Variants in GADL1 observed in about 807,000 individuals in gnomAD.
The protein encoded by GADL1 is acidic amino acid decarboxylase GADL1.
In GADL1, 71 loss-of-function variants were observed where a neutral mutation model predicts 69.5. The observed-to-expected ratio is 1.02, with a 90% CI of 0.84 to 1.25. The LOEUF is 1.25. Ranked by LOEUF, GADL1 falls within the 50% of genes most tolerant of loss-of-function variation. The probability of loss-of-function intolerance (pLI) is 0.00; values close to 1 mark genes in which losing one functional copy is unlikely to be tolerated. For synonymous variants in GADL1, 254 were observed against 214.4 expected (o/e 1.18, Z -1.62); for missense variants, 737 against 631.8 (o/e 1.17, Z -1.79).
intron 14 of GADL1, among the ~76,000 whole-genome samples, chr3:30,751,565 GA>G (rs1361416683): frequency 6.6e-6 from 1 of 151,346 alleles, no homozygotes; most frequent in Non-Finnish European, 1.5e-5. Context: ...TAGTAGACTA[GA>G]AAAAAGGCTT....
chr3:30,834,353 A>C, intron 9 of GADL1, 72 bp from the exon 10 acceptor site: 4 of 1,250,206 alleles, frequency 3.2e-6, no homozygotes, highest in Non-Finnish European at 4.7e-6. Flanking sequence ...TTGTCATAGA[A>C]AACCCTCAGT....
At chr3:30,858,118 A>G (rs1483675822) in intron 2 of GADL1, among the ~76,000 whole-genome samples, 4 of 152,022 alleles carry the variant, frequency 2.6e-5, no homozygotes, top group Non-Finnish European at 5.9e-5. Context: ...TACTTATTGT[A>G]TCCTACATAA....
chr3:30,864,348 T>TTCTCTC (rs1477400175), intron 1 of GADL1, among the ~76,000 whole-genome samples: 2 of 151,752 alleles, frequency 1.3e-5, no homozygotes, highest in Non-Finnish European at 1.5e-5. Context: ...CTCTTTCTCT[T>TTCTCTC]TCTCTCACCC....
At chr3:30,767,430 A>C (rs1696307538) in intron 14 of GADL1, among the ~76,000 whole-genome samples, 1 of 152,138 alleles carries the variant, frequency 6.6e-6, no homozygotes, top group South Asian at 2.1e-4. Flanking sequence ...AACGCAGATC[A>C]ATAGAACAGA....
At chr3:30,763,502 G>A (rs1456018942) in intron 14 of GADL1, among the ~76,000 whole-genome samples, 1 of 46,328 alleles carries the variant, frequency 2.2e-5, no homozygotes, top group East Asian at 4.6e-4. Flanking sequence ...ACTCCGTCTC[G>A]GCGGCGGGGG....
chr3:30,757,260 TCTC>T (rs1331957943), intron 14 of GADL1, among the ~76,000 whole-genome samples: 8 of 147,986 alleles, frequency 5.4e-5, no homozygotes, highest in African/African-American at 2.1e-4. Context: ...AATACTCAGA[TCTC>T]CTTTTAAATA....
chr3:30,870,260 T>C (rs1698461790), intron 1 of GADL1, among the ~76,000 whole-genome samples: 1 of 151,760 alleles, frequency 6.6e-6, no homozygotes, highest in South Asian at 2.1e-4. Flanking sequence ...TAGATATAAT[T>C]TGGAAAAAAT....
intron 1 of GADL1, among the ~76,000 whole-genome samples, chr3:30,884,625 G>A (rs946611890): frequency 2.0e-5 from 3 of 151,798 alleles, no homozygotes; most frequent in Non-Finnish European, 4.4e-5. Flanking sequence ...CTTTGATACC[G>A]CCCTTTTTCA....
At chr3:30,822,322 T>A (rs1044217181) in intron 11 of GADL1, among the ~76,000 whole-genome samples, 1 of 151,960 alleles carries the variant, frequency 6.6e-6, no homozygotes, top group African/African-American at 2.4e-5. Context: ...TGTTGCAAAT[T>A]TTGTTATAGG....
chr3:30,888,963 A>G (rs1052547422), intron 1 of GADL1, among the ~76,000 whole-genome samples: 3 of 151,900 alleles, frequency 2.0e-5, no homozygotes, highest in African/African-American at 7.3e-5. Context: ...ATATAAATGT[A>G]TAATATTAAA....
intron 1 of GADL1, among the ~76,000 whole-genome samples, chr3:30,864,493 C>T (rs1245533001): frequency 6.6e-6 from 1 of 151,904 alleles, no homozygotes; most frequent in Admixed American, 6.6e-5. Flanking sequence ...AAAAAATCCC[C>T]ATAATTCACA....
chr3:30,837,158 A>G (rs900087903), intron 9 of GADL1, among the ~76,000 whole-genome samples: 1 of 98,566 alleles, frequency 1.0e-5, no homozygotes, highest in African/African-American at 1.1e-4. Context: ...AAAGAGATAA[A>G]CATCAGTTTA....
rs575410206 is a variant in GADL1, at chr3:30,774,386, C to T, written c.1392+3793G>A. The stretch of plus-strand genomic sequence containing the variant: ...ATACCAATGCCAAATATTTTGTGGC[C>T]ATTTTTAATAGTTTTCTACTACCAT... On this transcript the variant is annotated intron_variant, in intron 14 of 14. Coordinates refer to ENST00000282538, the MANE Select transcript of GADL1 (RefSeq NM_207359.3). Among the ~76,000 whole-genome samples the T allele has an allele frequency of 1.7e-3, 258 of 152,194 alleles. 1 individual carries two copies. Among genetic ancestry groups the T allele is most frequent in the African/African-American group, 6.0e-3 (251 of 41,528 alleles).
chr3:30,773,516 C>T (rs905422623), intron 14 of GADL1, among the ~76,000 whole-genome samples: 1 of 152,052 alleles, frequency 6.6e-6, no homozygotes, highest in African/African-American at 2.4e-5. Flanking sequence ...TCTTATGCAC[C>T]CTTAAAACAT....
At chr3:30,765,233 C>T (rs1696242318) in intron 14 of GADL1, among the ~76,000 whole-genome samples, 1 of 152,132 alleles carries the variant, frequency 6.6e-6, no homozygotes, top group African/African-American at 2.4e-5. Context: ...GATCACCACT[C>T]ATAAGAAGTG....
chr3:30,789,137 A>C (rs1318840173), intron 12 of GADL1, among the ~76,000 whole-genome samples: 1 of 152,234 alleles, frequency 6.6e-6, no homozygotes, highest in African/African-American at 2.4e-5. Flanking sequence ...CTTACAAAAC[A>C]CATTTCTTAA....
chr3:30,744,866 A>G (rs1032506093), intron 14 of GADL1, among the ~76,000 whole-genome samples: 3 of 152,254 alleles, frequency 2.0e-5, no homozygotes, highest in Admixed American at 1.3e-4. Flanking sequence ...TATTTACAAA[A>G]AAATGACAAT....
intron 1 of GADL1, among the ~76,000 whole-genome samples, chr3:30,887,938 A>G (rs759262053): frequency 3.9e-5 from 6 of 152,306 alleles, no homozygotes; most frequent in East Asian, 1.9e-4. Context: ...CAGGTCCCCT[A>G]TGGATACCAA....
intron 1 of GADL1, among the ~76,000 whole-genome samples, chr3:30,883,430 T>C (rs1032478319): frequency 3.3e-5 from 5 of 152,020 alleles, no homozygotes; most frequent in African/African-American, 1.2e-4. Flanking sequence ...AGTGGTCTTC[T>C]AGCCTTTATC....
Sources: allele counts gnomAD v4.1 joint callset (sites outside exome capture counted in the v4.1 genomes callset), GRCh38; gene constraint gnomAD v4.1.1; transcripts MANE v1.5; gene names NCBI Gene and HGNC (gene_info 2026-07-23, HGNC 2026-07-21).